Variants in FXYD2 observed in about 807,000 individuals in gnomAD.
FXYD2 encodes the protein FXYD domain containing ion transport regulator 2, also known as sodium/potassium-transporting ATPase subunit gamma.
In FXYD2, 8 loss-of-function variants were observed where a neutral mutation model predicts 11.8. The observed-to-expected ratio is 0.68, with a 90% confidence interval of 0.40 to 1.22. The LOEUF (loss-of-function observed/expected upper bound fraction) is 1.22. Ranked by LOEUF, FXYD2 falls within the 50% of genes most tolerant of loss-of-function variation. The pLI is 0.01. For synonymous variants in FXYD2, 42 were observed against 33.3 expected, an observed-to-expected ratio of 1.26 and a Z score of -0.90; for missense variants, 92 against 91.8, an observed-to-expected ratio of 1.00 and a Z score of -0.01.
upstream of FXYD2, among the ~76,000 whole-genome samples, chr11:117,825,572 G>A (rs2056019246): frequency 6.6e-6 from 1 of 152,172 alleles, no homozygotes; most frequent in Non-Finnish European, 1.5e-5. Flanking sequence ...TGATGAGGCA[G>A]GTGTCTAAGG....
At chr11:117,820,834 A>G (rs1242363314) in intron 4 of FXYD2, 25 bp downstream of exon 4, 1 of 1,606,362 alleles carries the variant, frequency 6.2e-7, no homozygotes, top group South Asian at 1.1e-5. Flanking sequence ...CAACCCCCTC[A>G]TCGGTCACCC....
At chr11:117,821,633 G>A in intron 3 of FXYD2, 2 of 985,986 alleles carry the variant, frequency 2.0e-6, no homozygotes, top group Non-Finnish European at 2.4e-6. Flanking sequence ...TCCGGGAGCT[G>A]CCACGGGCAA....
In FXYD2 at chr11:117,821,174, A is replaced by C. The variant is rs2055892880; in HGVS notation, c.140-279T>G. On this transcript the variant is annotated intron_variant, in intron 3 of 5. Transcript: ENST00000292079. ...TGGGCTCAAGTAATCCTCCTGCCTC[A>C]GCCTCCCAAGTAGCTGGGACTATAG... 5.2e-6 allele frequency: 2 copies of C among 383,730 alleles called. 1 individual carries two copies. Among genetic ancestry groups the C allele is most frequent in the Admixed American group, 9.1e-5 (2 of 21,978 alleles). The allele number at this position is 383,730 out of a possible 1,614,324, so 23.8% of individuals were successfully genotyped here. A position where few individuals can be genotyped will look rare whatever the true frequency, so the allele number is the denominator to read the frequency against.
At chr11:117,820,613 C>A in intron 5 of FXYD2, 53 bp downstream of exon 5, 1 of 1,609,650 alleles carries the variant, frequency 6.2e-7, no homozygotes, top group South Asian at 1.1e-5. Flanking sequence ...TTCCCTGTTG[C>A]TCCCAAGCCT....
Position 117,822,122 on chromosome 11 carries a change from C to T in FXYD2, c.139+284G>A. On this transcript the variant is annotated intron_variant, in intron 3 of 5. Coordinates refer to ENST00000292079, the MANE Select transcript of FXYD2 (RefSeq NM_001680.5). The surrounding 1 kb of genome is among the most constrained non-coding windows in gnomAD (Gnocchi z 4.7). ...TGGTTAGCAGCGGGGGGCCTAGTCC[C>T]CCTGTCTGGCCCTCCGGTTACCCAG... 4 of 1,372,482 alleles carry T rather than the reference C, an allele frequency of 2.9e-6. No individual in the cohort carries two copies. In the South Asian group the frequency reaches 6.1e-5, roughly 21 times the overall value. The allele number at this position is 1,372,482 out of a possible 1,614,324, so 85.0% of individuals were successfully genotyped here.
In FXYD2 at chr11:117,822,665, G is replaced by C. The variant is rs774922528; in HGVS notation, c.64+14C>G. 109 of 1,608,610 alleles carry C rather than the reference G, an allele frequency of 6.8e-5. No individual in the cohort carries two copies. Among genetic ancestry groups the C allele is most frequent in the Middle Eastern group, 1.7e-4 (1 of 6,056 alleles). On this transcript the variant is annotated intron_variant, in intron 2 of 5. Transcript: ENST00000292079. The surrounding 1 kb of genome is among the most constrained non-coding windows in gnomAD (Gnocchi z 4.7). ...CTGAGGGCTCAGGAAGGGTGCGCAG[G>C]GGCCCAGGCTTACCATAGTAGAACG...
Position 117,820,686 on chromosome 11 carries a change from C to T in FXYD2, c.187G>A (p.Glu63Lys), listed in dbSNP as rs760465825. 2.5e-6 allele frequency: 4 copies of T among 1,613,918 alleles called. No individual in the cohort carries two copies. Among genetic ancestry groups the T allele is most frequent in the Non-Finnish European group, 2.5e-6 (3 of 1,180,004 alleles). Residue 63 changes from glutamate (E) to lysine (K), a missense_variant, in exon 5 of 6, where the codon GAA becomes AAA. Glu to Lys is a moderately conservative substitution (Grantham distance 56). Transcript: ENST00000292079. The stretch of plus-strand genomic sequence containing the variant: ...CATACCTGCTGTTACGGCTCATCTT[C>T]ATTGATTTGCCTGGTGGGGGAAGGA... Reference protein sequence around the residue: ...GGNKKRRQINEDEP With the variant: ...GGNKKRRQINKDEP
upstream of FXYD2, among the ~76,000 whole-genome samples, chr11:117,825,708 G>A (rs768497294): frequency 6.6e-5 from 10 of 152,212 alleles, no homozygotes; most frequent in Admixed American, 6.5e-5. Flanking sequence ...TCCCCACTCC[G>A]CTGTGACCTC....
At chr11:117,825,818 A>T (rs189842138), upstream of FXYD2, among the ~76,000 whole-genome samples, 1 of 152,208 alleles carries the variant, frequency 6.6e-6, no homozygotes, top group Non-Finnish European at 1.5e-5. Context: ...CTGAAGCCCA[A>T]TGGCCACAAA....
At chr11:117,827,032 G>C (rs575542759), upstream of FXYD2, among the ~76,000 whole-genome samples, 18 of 151,972 alleles carry the variant, frequency 1.2e-4, no homozygotes, top group South Asian at 3.5e-3. Flanking sequence ...CTGCGGGGGG[G>C]AGGAGGTGCA....
upstream of FXYD2, among the ~76,000 whole-genome samples, chr11:117,827,806 A>G (rs1467529069): frequency 6.6e-6 from 1 of 152,206 alleles, no homozygotes; most frequent in Admixed American, 6.5e-5. Context: ...CAGCTCAGAT[A>G]TGCTCTGCAC....
upstream of FXYD2, among the ~76,000 whole-genome samples, chr11:117,826,786 A>ATCTGTCTG (rs2056046796): frequency 1.4e-5 from 1 of 71,322 alleles, no homozygotes; most frequent in Non-Finnish European, 3.6e-5. Context: ...CTGTCTATCT[A>ATCTGTCTG]TCTATCTATC....
Position 117,823,884 on chromosome 11 carries a change from G to C in FXYD2, c.25+770C>G, listed in dbSNP as rs549003522. The stretch of plus-strand genomic sequence containing the variant: ...AAAGGACAGGCCAGGAAGAGTCAGT[G>C]CCCATCCTGACGGGCCTGAGGTGCT... On this transcript the variant is annotated intron_variant, in intron 1 of 5. Transcript: ENST00000292079. Among the ~76,000 whole-genome samples, 5 of 152,358 alleles carry C rather than the reference G, an allele frequency of 3.3e-5. No individual in the cohort carries two copies. The South Asian group carries it at 1.0e-3, about 32-fold the overall frequency.
chr11:117,827,825 C>T (rs557930448), upstream of FXYD2, among the ~76,000 whole-genome samples: 3 of 152,334 alleles, frequency 2.0e-5, no homozygotes, highest in African/African-American at 4.8e-5. Context: ...ACACACGTTA[C>T]AGCAGGCCAG....
intron 3 of FXYD2, chr11:117,821,216 C>G (rs2055893958): frequency 2.5e-6 from 1 of 401,934 alleles, no homozygotes; most frequent in African/African-American, 2.2e-5. Flanking sequence ...GTCACCATGC[C>G]CAGCTAATTA....
intron 3 of FXYD2, chr11:117,821,852 G>T: frequency 2.0e-6 from 2 of 998,898 alleles, no homozygotes; most frequent in Non-Finnish European, 2.4e-6. Context: ...TCTTTCCATG[G>T]GTTGTGTTTT....
chr11:117,822,459 C>A lies in FXYD2; in HGVS notation c.86G>T (p.Gly29Val). 1.3e-6 allele frequency: 2 copies of A among 1,562,504 alleles called. No individual in the cohort carries two copies. The highest frequency in any genetic ancestry group is 1.9e-5 in the Admixed American group (1 of 51,794). The part of the protein sequence containing the change: ...FYYDYETVRN[G>V]GLIFAGLAFI... ...GGCCAGTCCAGCGAAGATCAGGCCC[C>A]CATTGCGAACGGTCTCATAGTCTCC... is the stretch of plus-strand genomic sequence containing the variant. Residue 29 changes from glycine to valine, a missense_variant, in exon 3 of 6, where the codon GGG becomes GTG. Coordinates refer to ENST00000292079, the MANE Select transcript of FXYD2 (RefSeq NM_001680.5). The surrounding 1 kb of genome is among the most constrained non-coding windows in gnomAD (Gnocchi z 4.7).
upstream of FXYD2, among the ~76,000 whole-genome samples, chr11:117,826,529 G>A (rs2134108908): frequency 6.6e-6 from 1 of 152,302 alleles, no homozygotes; most frequent in Middle Eastern, 3.4e-3. Context: ...GGAAGGTGAA[G>A]GGACTTGCCT....
At chr11:117,825,293 C>T (rs559500225), upstream of FXYD2, among the ~76,000 whole-genome samples, 26 of 152,308 alleles carry the variant, frequency 1.7e-4, no homozygotes, top group African/African-American at 4.6e-4. Flanking sequence ...TCCTATTCAC[C>T]CATCAACGTG....
Sources: allele counts gnomAD v4.1 joint callset (sites outside exome capture counted in the v4.1 genomes callset), GRCh38; gene constraint gnomAD v4.1.1; non-coding constraint Gnocchi (gnomAD v3.1); transcripts MANE v1.5; gene names NCBI Gene and HGNC (gene_info 2026-07-23, HGNC 2026-07-21).